Variants in CAST observed in about 807,000 individuals in gnomAD.
The protein encoded by CAST is MIR583 host.
In CAST, 76 loss-of-function variants were observed where a neutral mutation model predicts 119.6. The ratio of observed to expected loss-of-function variants is 0.64; its 90% CI spans 0.53 to 0.77. CAST has a LOEUF of 0.77. Among genes scored for constraint, CAST ranks in the 30% least tolerant of loss-of-function variants. The pLI is 0.00. For synonymous variants in CAST, 319 were observed against 331.6 expected, an observed-to-expected ratio of 0.96 and a Z score of 0.41; for missense variants, 953 against 946.5, an observed-to-expected ratio of 1.01 and a Z score of -0.09.
At chr5:96,669,600 G>A (rs939863932) in intron 1 of CAST, among the ~76,000 whole-genome samples, 2 of 152,210 alleles carry the variant, frequency 1.3e-5, no homozygotes, top group East Asian at 3.8e-4. Flanking sequence ...AGAGATTAAT[G>A]TGCAAATATG....
the CAST span, among the ~76,000 whole-genome samples, chr5:96,002,664 A>T: frequency 2.6e-5 from 4 of 152,004 alleles, no homozygotes; most frequent in East Asian, 7.8e-4. Flanking sequence ...TGACTGAGAA[A>T]CTCTCCATGC....
chr5:96,398,229 G>A, the CAST span, among the ~76,000 whole-genome samples: 1 of 152,178 alleles, frequency 6.6e-6, no homozygotes, highest in Non-Finnish European at 1.5e-5. Flanking sequence ...CATAGAGATA[G>A]CTCATCTTTC....
intron 1 of CAST, among the ~76,000 whole-genome samples, chr5:96,581,348 TA>T (rs1746766753): frequency 1.3e-5 from 2 of 152,176 alleles, no homozygotes; most frequent in Non-Finnish European, 2.9e-5. Flanking sequence ...AACAATGGGA[TA>T]TTTTTTTCAG....
At chr5:96,393,042 G>T in the CAST span, 1 of 1,614,132 alleles carries the variant, frequency 6.2e-7, no homozygotes. Context: ...GCTTGAAGCA[G>T]CCGGTCGTCT....
At chr5:96,207,094 C>T in the CAST span, among the ~76,000 whole-genome samples, 1 of 151,622 alleles carries the variant, frequency 6.6e-6, no homozygotes, top group East Asian at 1.9e-4. Flanking sequence ...TTGATTTGGC[C>T]CTCAGCTTGG....
chr5:96,573,274 AT>A (rs1247354830), intron 1 of CAST, among the ~76,000 whole-genome samples: 1 of 150,958 alleles, frequency 6.6e-6, no homozygotes, highest in Non-Finnish European at 1.5e-5. Context: ...TTGAAATGTA[AT>A]TTTTTCTTGT....
the CAST span, among the ~76,000 whole-genome samples, chr5:96,007,266 G>C: frequency 6.6e-6 from 1 of 152,204 alleles, no homozygotes; most frequent in Non-Finnish European, 1.5e-5. Context: ...AGGTGGTACA[G>C]AGTGTTCTTT....
the CAST span, chr5:96,394,729 G>C: frequency 1.3e-6 from 1 of 791,804 alleles, no homozygotes; most frequent in Non-Finnish European, 2.3e-6. Flanking sequence ...GAAAAGAATA[G>C]TTTACCACTA....
chr5:96,556,796 T>A (rs1746250148), intron 1 of CAST, among the ~76,000 whole-genome samples: 1 of 152,160 alleles, frequency 6.6e-6, no homozygotes, highest in Admixed American at 6.5e-5. Context: ...CAGGATATTA[T>A]CCAGGAAAAC....
intron 11 of CAST, 53 bp downstream of exon 11, chr5:96,738,000 A>T (rs1311891231): frequency 3.0e-6 from 3 of 1,009,604 alleles, no homozygotes; most frequent in African/African-American, 1.6e-5. Flanking sequence ...AGGAGAGCAA[A>T]TAAGGCCATG....
At chr5:96,490,207 C>T in the CAST span, among the ~76,000 whole-genome samples, 1 of 152,064 alleles carries the variant, frequency 6.6e-6, no homozygotes, top group Non-Finnish European at 1.5e-5. Flanking sequence ...TTATCTAGGC[C>T]CACTTACCTT....
At chr5:96,271,571 T>C in the CAST span, among the ~76,000 whole-genome samples, 1 of 151,590 alleles carries the variant, frequency 6.6e-6, no homozygotes, top group African/African-American at 2.4e-5. Context: ...AAACTAGATC[T>C]CTATCTCTCA....
chr5:96,752,439 A>T (rs1157617714), intron 20 of CAST, among the ~76,000 whole-genome samples: 1 of 152,162 alleles, frequency 6.6e-6, no homozygotes, highest in Non-Finnish European at 1.5e-5. Flanking sequence ...CATTGCTTGC[A>T]TAAGACTTGG....
At chr5:96,269,217 G>A in the CAST span, among the ~76,000 whole-genome samples, 1 of 151,970 alleles carries the variant, frequency 6.6e-6, no homozygotes, top group Admixed American at 6.6e-5. Flanking sequence ...AAAGAGACAA[G>A]GAAAATCATT....
chr5:95,984,939 G>A, the CAST span, among the ~76,000 whole-genome samples: 2 of 152,076 alleles, frequency 1.3e-5, no homozygotes, highest in Non-Finnish European at 2.9e-5. Context: ...TTGATTATAT[G>A]TTGAATGATA....
At chr5:96,345,535 A>C in the CAST span, among the ~76,000 whole-genome samples, 10,146 of 152,202 alleles carry the variant, frequency 0.067, 1,177 homozygotes, top group African/African-American at 0.23. Flanking sequence ...CTTAAGAAAC[A>C]CTATATTATT....
intron 1 of CAST, among the ~76,000 whole-genome samples, chr5:96,627,887 T>G (rs1432904141): frequency 6.6e-6 from 1 of 152,238 alleles, no homozygotes; most frequent in African/African-American, 2.4e-5. Context: ...CTGCCTTTAT[T>G]TGCCATGCTT....
At chr5:96,087,519 G>T in the CAST span, among the ~76,000 whole-genome samples, 1 of 152,164 alleles carries the variant, frequency 6.6e-6, no homozygotes, top group African/African-American at 2.4e-5. Flanking sequence ...AATGGAGGGA[G>T]ACAGACAAAT....
At chr5:96,449,843 A>G in the CAST span, among the ~76,000 whole-genome samples, 1 of 152,176 alleles carries the variant, frequency 6.6e-6, no homozygotes, top group African/African-American at 2.4e-5. Context: ...CTTCACCATC[A>G]TCAAGGATTC....
Sources: allele counts gnomAD v4.1 joint callset (sites outside exome capture counted in the v4.1 genomes callset), GRCh38; gene constraint gnomAD v4.1.1; transcripts MANE v1.5; gene names NCBI Gene and HGNC (gene_info 2026-07-23, HGNC 2026-07-21).